The following ADAM28 variants were observed in gnomAD, a reference collection of about 807,000 sequenced individuals.
ADAM28 encodes the protein ADAM metallopeptidase domain 28.
In ADAM28, 105 loss-of-function variants were observed where a neutral mutation model predicts 101.2. The observed-to-expected ratio is 1.04, with a 90% CI of 0.89 to 1.22. ADAM28 has a LOEUF of 1.22. Ranked by LOEUF, ADAM28 falls within the 50% of genes most tolerant of loss-of-function variation. The pLI is 0.00. For missense variants in ADAM28, 1,028 were observed against 945.4 expected (o/e 1.09, Z -1.15); for synonymous variants, 322 against 310.6 (o/e 1.04, Z -0.39).
chr8:24,298,912 C>A (rs1319322025), intron 1 of ADAM28, among the ~76,000 whole-genome samples: 3 of 152,110 alleles, frequency 2.0e-5, no homozygotes, highest in East Asian at 3.8e-4. Context: ...GACTTCTAGG[C>A]CAGGTGCTGT....
rs555362409 is a variant in ADAM28, at chr8:24,316,618, C to T, written c.576+3038C>T. Among the ~76,000 whole-genome samples the T allele has an allele frequency of 6.6e-5, 10 of 152,072 alleles. No individual in the cohort carries two copies. The East Asian group carries it at 7.7e-4, about 12-fold the overall frequency. On this transcript the variant is annotated intron_variant, in intron 6 of 22. Coordinates refer to ENST00000265769, the MANE Select transcript of ADAM28 (RefSeq NM_014265.6). ...AAATTAAAAGCCATTTATGGAAAGC[C>T]GCTGATAACATCATAATCAATCGGA... is the stretch of plus-strand genomic sequence containing the variant.
At chr8:24,307,137 A>G (rs1809804782) in intron 2 of ADAM28, among the ~76,000 whole-genome samples, 1 of 152,170 alleles carries the variant, frequency 6.6e-6, no homozygotes, top group African/African-American at 2.4e-5. Flanking sequence ...CTGTGCAAAG[A>G]CTTGATTAGC....
intron 8 of ADAM28, chr8:24,322,526 GT>G (rs1812019740): frequency 6.6e-6 from 1 of 152,044 alleles, no homozygotes; most frequent in African/African-American, 2.4e-5. Context: ...GCTGGAACGC[GT>G]TAAGGACTGC....
At chr8:24,311,292 C>T in intron 4 of ADAM28, 69 bp from the exon 5 acceptor site, 2 of 1,204,194 alleles carry the variant, frequency 1.7e-6, no homozygotes, top group Non-Finnish European at 2.4e-6. Context: ...TTCAAGATTT[C>T]AGATGCGGCT....
chr8:24,342,143 A>G (rs1444064758), intron 16 of ADAM28, among the ~76,000 whole-genome samples: 1 of 152,152 alleles, frequency 6.6e-6, no homozygotes, highest in Admixed American at 6.6e-5. Context: ...CATTTAACAG[A>G]TCTGTATATC....
At chr8:24,332,570 T>A (rs1813491743) in intron 12 of ADAM28, 90 bp from the exon 13 acceptor site, 1 of 614,904 alleles carries the variant, frequency 1.6e-6, no homozygotes, top group Non-Finnish European at 2.6e-6. Flanking sequence ...GAAAGTAACA[T>A]ATGCCTGATG....
chr8:24,349,990 C>T lies in ADAM28; in HGVS notation c.2099+18C>T, dbSNP rs1480284440. The T allele has an allele frequency of 6.2e-7, 1 of 1,608,776 alleles. No homozygotes were observed. Among genetic ancestry groups the T allele is most frequent in the Non-Finnish European group, 8.5e-7 (1 of 1,175,866 alleles). ...GATCAGAGGTGATCCTTTATCTTAT[C>T]TTGCTGTAGGGACTCTTTGACCCCT... is the stretch of plus-strand genomic sequence containing the variant. On this transcript the variant is annotated intron_variant, in intron 19 of 22. Transcript: ENST00000265769.
chr8:24,347,473 G>A (rs529758133), intron 18 of ADAM28, among the ~76,000 whole-genome samples: 1 of 151,994 alleles, frequency 6.6e-6, no homozygotes, highest in Admixed American at 6.6e-5. Context: ...TATATTCATG[G>A]GTGATATTGG....
intron 2 of ADAM28, chr8:24,308,878 C>A: frequency 2.9e-6 from 1 of 340,452 alleles, no homozygotes; most frequent in South Asian, 2.3e-5. Context: ...ACCATACCGG[C>A]CAGAAGGGGA....
chr8:24,353,114 AAATAGTATTGCTGTTATGCAAT>A (rs571743869), intron 21 of ADAM28, among the ~76,000 whole-genome samples: 11 of 152,286 alleles, frequency 7.2e-5, no homozygotes, highest in African/African-American at 2.4e-4. Flanking sequence ...TTATTATAAA[AAATAGTATTGCTGTTATGCAAT>A]TATTGAGAAA....
chr8:24,322,251 A>T (rs1811976878), intron 8 of ADAM28, among the ~76,000 whole-genome samples: 1 of 151,944 alleles, frequency 6.6e-6, no homozygotes, highest in South Asian at 2.1e-4. Flanking sequence ...GAGTGGAGAA[A>T]CTGGCCTTAG....
intron 6 of ADAM28, among the ~76,000 whole-genome samples, chr8:24,315,830 C>A (rs1429709104): frequency 6.6e-6 from 1 of 151,882 alleles, no homozygotes; most frequent in Admixed American, 6.6e-5. Flanking sequence ...TGGGACTTAT[C>A]CTTGGTATAC....
At chr8:24,317,211 G>A (rs965688521) in intron 6 of ADAM28, among the ~76,000 whole-genome samples, 16 of 151,716 alleles carry the variant, frequency 1.1e-4, no homozygotes, top group African/African-American at 3.9e-4. Flanking sequence ...AAATTTGTAT[G>A]GAACCACAGA....
intron 2 of ADAM28, among the ~76,000 whole-genome samples, chr8:24,303,655 T>G (rs1463988425): frequency 6.6e-6 from 1 of 152,208 alleles, no homozygotes; most frequent in African/African-American, 2.4e-5. Flanking sequence ...AATTTTAAAG[T>G]AATTTTTTTC....
intron 20 of ADAM28, chr8:24,351,580 TCTCTCTCC>T (rs1305944809): frequency 1.9e-6 from 1 of 525,900 alleles, no homozygotes; most frequent in Non-Finnish European, 3.4e-6. Context: ...TCTGCTTCAT[TCTCTCTCC>T]CTCTCTCACA....
chr8:24,308,352 C>T (rs1460624050), intron 2 of ADAM28, among the ~76,000 whole-genome samples: 2 of 148,806 alleles, frequency 1.3e-5, no homozygotes, highest in African/African-American at 2.5e-5. Context: ...GGCTTTCTTC[C>T]TTCATCTTTC....
chr8:24,316,185 G>T (rs1811139001), intron 6 of ADAM28, among the ~76,000 whole-genome samples: 1 of 151,738 alleles, frequency 6.6e-6, no homozygotes, highest in Non-Finnish European at 1.5e-5. Context: ...TTCTATAGCA[G>T]CTAGGAACAT....
intron 11 of ADAM28, 118 bp downstream of exon 11, chr8:24,330,233 C>A: frequency 8.0e-6 from 10 of 1,251,214 alleles, no homozygotes; most frequent in Non-Finnish European, 8.7e-6. Context: ...ACTAAATGTG[C>A]ATTTGTGCCA....
chr8:24,335,514 T>C lies in ADAM28; in HGVS notation c.1440T>C (p.Gly480=), dbSNP rs768484172. 1.9e-6 allele frequency: 3 copies of C among 1,614,200 alleles called. No individual in the cohort carries two copies. Among genetic ancestry groups the C allele is most frequent in the Admixed American group, 3.3e-5 (2 of 60,032 alleles). Residue 480 remains glycine, a synonymous_variant, in exon 14 of 23, where the codon GGT becomes GGC. Coordinates refer to ENST00000265769, the MANE Select transcript of ADAM28 (RefSeq NM_014265.6). ...DECDLPEMCN[G]KSGNCPDDRF... ...GCGACCTGCCTGAAATGTGTAATGG[T>C]AAATCTGGTAATTGTCCTGATGATA...
Sources: allele counts gnomAD v4.1 joint callset (sites outside exome capture counted in the v4.1 genomes callset), GRCh38; gene constraint gnomAD v4.1.1; transcripts MANE v1.5; gene names NCBI Gene and HGNC (gene_info 2026-07-23, HGNC 2026-07-21).